MTUS2: variants seen among roughly 807,000 people sequenced by gnomAD.
MTUS2 encodes microtubule associated scaffold protein 2.
Under a neutral mutation model 114.1 loss-of-function variants are expected in MTUS2, and 40 were observed. That is an observed-to-expected ratio of 0.35 (90% CI 0.27 to 0.46). MTUS2 has a LOEUF of 0.46. Among genes scored for constraint, MTUS2 ranks in the 20% least tolerant of loss-of-function variants. MTUS2 has a pLI of 1.00. For synonymous variants in MTUS2, 688 were observed against 672.0 expected, an observed-to-expected ratio of 1.02 and a Z score of -0.37; for missense variants, 1,679 against 1,705.4, an observed-to-expected ratio of 0.98 and a Z score of 0.27.
chr13:29,071,696 G>A (rs1043443409), intron 4 of MTUS2, among the ~76,000 whole-genome samples: 3 of 152,032 alleles, frequency 2.0e-5, no homozygotes, highest in African/African-American at 7.2e-5. Flanking sequence ...AAAGTGCTGG[G>A]ATTACAGCTT....
At chr13:29,015,951 C>T (rs2138439111) in intron 2 of MTUS2, among the ~76,000 whole-genome samples, 1 of 152,202 alleles carries the variant, frequency 6.6e-6, no homozygotes, top group Admixed American at 6.5e-5. Flanking sequence ...GTCTCCCAGG[C>T]TGGAGTGCAA....
intron 2 of MTUS2, among the ~76,000 whole-genome samples, chr13:28,907,818 C>G (rs1880138284): frequency 6.6e-6 from 1 of 151,370 alleles, no homozygotes; most frequent in South Asian, 2.1e-4. Flanking sequence ...ACTTTAACAC[C>G]CCACTGTCAA....
At chr13:28,946,304 T>TGTGC (rs1179597309) in intron 2 of MTUS2, among the ~76,000 whole-genome samples, 6 of 150,332 alleles carry the variant, frequency 4.0e-5, no homozygotes, top group East Asian at 4.0e-4. Context: ...TGTGTGTGTG[T>TGTGC]GCGCGCGCAC....
chr13:29,140,941 G>T (rs61701733), intron 5 of MTUS2, among the ~76,000 whole-genome samples: 1 of 152,060 alleles, frequency 6.6e-6, no homozygotes, highest in African/African-American at 2.4e-5. Context: ...AATCGGTGTC[G>T]ATGTGCACTA....
Position 28,912,720 on chromosome 13 carries a change from G to A in MTUS2, c.-243+72870G>A, listed in dbSNP as rs147009479. 9.9e-4 allele frequency among the ~76,000 whole-genome samples: 150 copies of A among 151,990 alleles called. 1 individual carries two copies. The highest frequency in any genetic ancestry group is 3.5e-3 in the African/African-American group (143 of 41,448). On this transcript the variant is annotated intron_variant, in intron 2 of 15. Transcript: ENST00000612955. ...GTGGTTTGTTGTTCTTCTTAAAGAGGTCCTTTACTTCCCTTGTTAGCTTAG... is the reference window on the plus strand; with the variant it reads ...GTGGTTTGTTGTTCTTCTTAAAGAGATCCTTTACTTCCCTTGTTAGCTTAG...
intron 2 of MTUS2, among the ~76,000 whole-genome samples, chr13:28,948,594 A>T (rs1337918566): frequency 6.6e-6 from 1 of 152,186 alleles, no homozygotes; most frequent in South Asian, 2.1e-4. Flanking sequence ...ATTCCAATAT[A>T]GGTTATTTCT....
At chr13:29,064,436 G>A (rs915021726) in intron 4 of MTUS2, among the ~76,000 whole-genome samples, 3 of 118,420 alleles carry the variant, frequency 2.5e-5, no homozygotes, top group African/African-American at 1.0e-4. Context: ...GTATCTTTAG[G>A]TTTTAAAATA....
At chr13:29,101,679 A>G (rs573647853) in intron 5 of MTUS2, among the ~76,000 whole-genome samples, 1 of 152,340 alleles carries the variant, frequency 6.6e-6, no homozygotes, top group Admixed American at 6.5e-5. Context: ...ATGTTATTGG[A>G]TGGGAAACCA....
chr13:28,931,064 G>A (rs1188332829), intron 2 of MTUS2, among the ~76,000 whole-genome samples: 3 of 152,110 alleles, frequency 2.0e-5, no homozygotes, highest in Admixed American at 2.0e-4. Context: ...TTGAATCATT[G>A]AGCCTAGTTT....
At chr13:29,369,275 G>A (rs3121743) in intron 8 of MTUS2, among the ~76,000 whole-genome samples, 146,748 of 152,232 alleles carry the variant, frequency 0.96, 70,893 homozygotes, top group East Asian at 1. Flanking sequence ...AGAGAAGCCC[G>A]TTCTTCTACC....
chr13:29,265,090 A>G (rs1208424195), intron 5 of MTUS2, among the ~76,000 whole-genome samples: 1 of 152,192 alleles, frequency 6.6e-6, no homozygotes, highest in African/African-American at 2.4e-5. Context: ...TTGCTCCCAC[A>G]TCTGGCAATA....
chr13:29,075,754 TTTAGCTTCACCA>T (rs1889165471), intron 4 of MTUS2, among the ~76,000 whole-genome samples: 2 of 152,228 alleles, frequency 1.3e-5, no homozygotes, highest in South Asian at 2.1e-4. Flanking sequence ...TAGTCACACC[TTTAGCTTCACCA>T]TTAGACCATA....
intron 5 of MTUS2, among the ~76,000 whole-genome samples, chr13:29,237,343 G>A (rs1896571577): frequency 6.6e-6 from 1 of 152,006 alleles, no homozygotes; most frequent in Non-Finnish European, 1.5e-5. Context: ...GTTTTTTTGG[G>A]TCATTTCTCA....
intron 1 of MTUS2, among the ~76,000 whole-genome samples, chr13:28,829,765 G>T (rs909190792): frequency 2.0e-5 from 3 of 152,122 alleles, no homozygotes; most frequent in African/African-American, 4.8e-5. Context: ...CACCAGTTGG[G>T]GTTAACAAGA....
chr13:28,912,237 A>G (rs1384494165), intron 2 of MTUS2, among the ~76,000 whole-genome samples: 1 of 152,194 alleles, frequency 6.6e-6, no homozygotes, highest in Non-Finnish European at 1.5e-5. Flanking sequence ...ATGGCTAGCC[A>G]GTTCTCCCAG....
chr13:29,075,164 A>G (rs9508259), intron 4 of MTUS2, among the ~76,000 whole-genome samples: 2 of 151,984 alleles, frequency 1.3e-5, no homozygotes, highest in Non-Finnish European at 2.9e-5. Flanking sequence ...AGGTTCATCC[A>G]GTTTACACCA....
chr13:28,979,093 A>G (rs1450319683), intron 2 of MTUS2, among the ~76,000 whole-genome samples: 1 of 152,218 alleles, frequency 6.6e-6, no homozygotes, highest in Admixed American at 6.5e-5. Flanking sequence ...ACATTTTAGA[A>G]TAACTACCAG....
intron 4 of MTUS2, among the ~76,000 whole-genome samples, chr13:29,091,588 C>T (rs1392686650): frequency 1.3e-5 from 2 of 152,128 alleles, no homozygotes; most frequent in African/African-American, 4.8e-5. Flanking sequence ...CCTTAGTGCT[C>T]TATAGATCTG....
At chr13:28,870,808 CT>C (rs1279568546) in intron 2 of MTUS2, among the ~76,000 whole-genome samples, 1 of 152,152 alleles carries the variant, frequency 6.6e-6, no homozygotes, top group Non-Finnish European at 1.5e-5. Flanking sequence ...TGAAATCCCC[CT>C]CTCTTCCTCC....
Sources: gnomAD v4.1 joint callset for allele counts (sites outside exome capture counted in the v4.1 genomes callset) on GRCh38, gnomAD v4.1.1 for gene constraint, MANE v1.5 for transcripts, NCBI Gene and HGNC (gene_info 2026-07-23, HGNC 2026-07-21) for gene names.